Variants in L3HYPDH observed in about 807,000 individuals in gnomAD.
L3HYPDH encodes the protein trans-3-hydroxy-L-proline dehydratase.
A neutral mutation model predicts 26.5 loss-of-function variants in L3HYPDH; 32 were observed. The ratio of observed to expected loss-of-function variants is 1.21; its 90% CI spans 0.91 to 1.62. The LOEUF (loss-of-function observed/expected upper bound fraction) is 1.62. Ranked by LOEUF, L3HYPDH falls within the 40% of genes most tolerant of loss-of-function variation. The probability of loss-of-function intolerance (pLI) is 0.00; values close to 1 mark genes in which losing one functional copy is unlikely to be tolerated. For missense variants in L3HYPDH, 554 were observed against 476.4 expected (o/e 1.16, Z -1.52); for synonymous variants, 215 against 196.6 (o/e 1.09, Z -0.78).
chr14:59,498,688 A>G, the L3HYPDH span: 2 of 1,126,204 alleles, frequency 1.8e-6, no homozygotes, highest in South Asian at 1.5e-5. Context: ...CATTTTTAAA[A>G]CATTTTTGAT....
At chr14:59,494,827 T>C in the L3HYPDH span, among the ~76,000 whole-genome samples, 1 of 152,244 alleles carries the variant, frequency 6.6e-6, no homozygotes, top group South Asian at 2.1e-4. Context: ...AATTTCTGCT[T>C]TTCTGTTACA....
downstream of L3HYPDH, among the ~76,000 whole-genome samples, chr14:59,469,584 A>G (rs112731673): frequency 2.1e-3 from 244 of 113,664 alleles, no homozygotes; most frequent in African/African-American, 6.8e-3. Flanking sequence ...AAAAAAAAAA[A>G]AAAGGTTGGG....
the L3HYPDH span, among the ~76,000 whole-genome samples, chr14:59,497,206 C>G: frequency 1.3e-5 from 2 of 152,048 alleles, no homozygotes; most frequent in African/African-American, 4.8e-5. Context: ...ATGTAAGCTT[C>G]TATCATTATA....
At chr14:59,482,052 A>T (rs1278297357) in intron 1 of L3HYPDH, among the ~76,000 whole-genome samples, 3 of 152,220 alleles carry the variant, frequency 2.0e-5, no homozygotes, top group African/African-American at 7.2e-5. Flanking sequence ...CATTCAACAA[A>T]CATTCATTGA....
chr14:59,493,501 G>A, the L3HYPDH span, among the ~76,000 whole-genome samples: 1 of 152,198 alleles, frequency 6.6e-6, no homozygotes, highest in Non-Finnish European at 1.5e-5. Context: ...AAGCCACTAA[G>A]TATTGAGGTA....
upstream of L3HYPDH, chr14:59,486,539 A>G: frequency 5.0e-6 from 3 of 597,944 alleles, no homozygotes; most frequent in Non-Finnish European, 8.8e-6. Flanking sequence ...AACTGTCTGC[A>G]GTGTCACAGT....
the L3HYPDH span, chr14:59,498,986 G>A: frequency 2.9e-6 from 1 of 350,088 alleles, no homozygotes. Flanking sequence ...TAATTTTGGA[G>A]ATTTTTCCTT....
the L3HYPDH span, among the ~76,000 whole-genome samples, chr14:59,495,862 G>C: frequency 3.3e-5 from 5 of 151,338 alleles, no homozygotes; most frequent in Non-Finnish European, 7.4e-5. Flanking sequence ...AAAACAACCA[G>C]ATATCTTAGA....
upstream of L3HYPDH, chr14:59,485,230 A>G (rs749277034): frequency 2.6e-5 from 30 of 1,138,614 alleles, no homozygotes; most frequent in Non-Finnish European, 3.6e-5. Flanking sequence ...CATCTACTAG[A>G]TGTAAAGCCC....
At chr14:59,481,333 C>G (rs1594916661) in intron 1 of L3HYPDH, among the ~76,000 whole-genome samples, 1 of 152,190 alleles carries the variant, frequency 6.6e-6, no homozygotes, top group Non-Finnish European at 1.5e-5. Context: ...CCCCTTAATT[C>G]ATTACATTAG....
At position 59,479,286 on chromosome 14, in the gene L3HYPDH, A is replaced by G; in HGVS notation, c.574T>C (p.Tyr192His). ...MVDIAYGGAF[Y>H]AFVTAEKLGL... ...AACTTTTCAGCAGTAACAAATGCAT[A>G]AAATGCACCGCCATATGCAATGTCC... The change falls in exon 2 of 5, where the codon TAT becomes CAT. Residue 192 changes from tyrosine to histidine, a missense_variant. Physicochemically the swap from Tyr to His is moderately conservative, Grantham distance 83. Coordinates refer to ENST00000247194, the MANE Select transcript of L3HYPDH (RefSeq NM_144581.2). The G allele has an allele frequency of 6.2e-7, 1 of 1,613,870 alleles. No homozygotes were observed. The highest frequency in any genetic ancestry group is 2.2e-5 in the East Asian group (1 of 44,872).
chr14:59,502,750 A>ATTTTTGTTTTTTTTTCTTTGTTTTTG, the L3HYPDH span, among the ~76,000 whole-genome samples: 5 of 4,908 alleles, frequency 1.0e-3, 2 homozygotes, highest in Non-Finnish European at 7.8e-4. Flanking sequence ...ATAAAATGAG[A>ATTTTTGTTTTTTTTTCTTTGTTTTTG]TTTTTTTTTT....
At chr14:59,500,420 G>A in the L3HYPDH span, among the ~76,000 whole-genome samples, 1 of 152,078 alleles carries the variant, frequency 6.6e-6, no homozygotes, top group East Asian at 1.9e-4. Context: ...ATTTATTTTA[G>A]TGTGTTATAA....
chr14:59,494,455 A>T, the L3HYPDH span, among the ~76,000 whole-genome samples: 3 of 152,200 alleles, frequency 2.0e-5, no homozygotes, highest in Admixed American at 6.6e-5. Context: ...AAATCTCAGA[A>T]GACTTCCATT....
chr14:59,472,877 A>C lies in L3HYPDH; in HGVS notation c.*88T>G. ...GAATGAGAGTTAGTTTATATGTATAATTTATTTGTTTTCATATAATTTAGA... is the reference window on the plus strand; with the variant it reads ...GAATGAGAGTTAGTTTATATGTATACTTTATTTGTTTTCATATAATTTAGA... On this transcript the variant is annotated 3_prime_UTR_variant, in exon 5 of 5. Coordinates refer to ENST00000247194, the MANE Select transcript of L3HYPDH (RefSeq NM_144581.2). The C allele has an allele frequency of 8.3e-7, 1 of 1,204,460 alleles. No homozygotes were observed. Among genetic ancestry groups the C allele is most frequent in the South Asian group, 1.8e-5 (1 of 56,184 alleles). The allele number at this position is 1,204,460 out of a possible 1,614,324, so 74.6% of individuals were successfully genotyped here.
At chr14:59,475,570 C>T (rs1270057527) in intron 4 of L3HYPDH, among the ~76,000 whole-genome samples, 1 of 152,106 alleles carries the variant, frequency 6.6e-6, no homozygotes, top group Non-Finnish European at 1.5e-5. Flanking sequence ...CATATCACAT[C>T]GTAGCCTCTG....
chr14:59,471,180 C>G (rs1394375521), downstream of L3HYPDH, among the ~76,000 whole-genome samples: 1 of 152,058 alleles, frequency 6.6e-6, no homozygotes, highest in African/African-American at 2.4e-5. Flanking sequence ...GGAATGAACA[C>G]TATTGCAAGA....
upstream of L3HYPDH, chr14:59,487,163 A>G (rs898675773): frequency 4.3e-5 from 7 of 163,654 alleles, no homozygotes; most frequent in Non-Finnish European, 7.9e-5. Flanking sequence ...AGATTGCACC[A>G]CTGCATTCCA....
chr14:59,495,001 C>T, the L3HYPDH span: 3 of 1,594,304 alleles, frequency 1.9e-6, no homozygotes, highest in Non-Finnish European at 2.6e-6. Context: ...GTAATCATGC[C>T]TCTTTTCCTT....
Sources: allele counts gnomAD v4.1 joint callset (sites outside exome capture counted in the v4.1 genomes callset), GRCh38; gene constraint gnomAD v4.1.1; transcripts MANE v1.5; gene names NCBI Gene and HGNC (gene_info 2026-07-23, HGNC 2026-07-21).